Variants in SCIN observed in about 807,000 individuals in gnomAD.
The protein encoded by SCIN is adseverin.
SCIN carries 91 observed loss-of-function variants against 91.8 expected under a neutral mutation model. That is an observed-to-expected ratio of 0.99 (90% CI 0.84 to 1.18). SCIN has a LOEUF of 1.18. SCIN is among the 50% of genes most tolerant of loss of function. The pLI is 0.00. For synonymous variants in SCIN, 367 were observed against 312.6 expected, an observed-to-expected ratio of 1.17 and a Z score of -1.84; for missense variants, 1,087 against 863.9, an observed-to-expected ratio of 1.26 and a Z score of -3.24.
intron 9 of SCIN, among the ~76,000 whole-genome samples, chr7:12,634,897 T>C (rs77085600): frequency 0.041 from 6,182 of 152,194 alleles, 140 homozygotes; most frequent in Middle Eastern, 0.075. Context: ...TAATAATTCC[T>C]TATGGTGGGA....
intron 4 of SCIN, among the ~76,000 whole-genome samples, chr7:12,612,227 T>C (rs1284203249): frequency 6.6e-6 from 1 of 152,322 alleles, no homozygotes; most frequent in African/African-American, 2.4e-5. Flanking sequence ...TCATGTAGCA[T>C]TGTGCCTGAC....
intron 3 of SCIN, among the ~76,000 whole-genome samples, chr7:12,594,259 C>T (rs555379332): frequency 6.6e-6 from 1 of 151,812 alleles, no homozygotes; most frequent in Admixed American, 6.6e-5. Context: ...GATCATGATG[C>T]TGTCGAGGAG....
chr7:12,658,381 AG>A lies in SCIN; in HGVS notation c.*5669del, dbSNP rs1784207304. 6.6e-6 allele frequency: 1 copy of A among 152,214 alleles called. No homozygotes were observed. The highest frequency in any genetic ancestry group is 6.5e-5 in the Admixed American group (1 of 15,270). 9.4% of individuals were successfully genotyped at this position (152,214 alleles called of 1,614,324 possible). The stretch of plus-strand genomic sequence containing the variant: ...GTCAAAGGAAGAGGTGAATGTGGGC[AG>A]GGTTTCACTGGAGTATTGACACACC... On this transcript the variant is annotated 3_prime_UTR_variant, in exon 16 of 16. Transcript: ENST00000297029.
At chr7:12,650,876 A>G (rs1020921092) in intron 14 of SCIN, among the ~76,000 whole-genome samples, 17 of 151,720 alleles carry the variant, frequency 1.1e-4, no homozygotes, top group African/African-American at 3.6e-4. Flanking sequence ...GGAGTCTGGG[A>G]TCACCCACAG....
chr7:12,610,878 G>A (rs1254147142), intron 4 of SCIN, among the ~76,000 whole-genome samples: 1 of 152,160 alleles, frequency 6.6e-6, no homozygotes, highest in African/African-American at 2.4e-5. Flanking sequence ...CCAAGTGAAA[G>A]TGCTTCACAC....
intron 4 of SCIN, among the ~76,000 whole-genome samples, chr7:12,621,044 C>T (rs1783397229): frequency 6.6e-6 from 1 of 152,110 alleles, no homozygotes; most frequent in Non-Finnish European, 1.5e-5. Context: ...AAATGTTTCA[C>T]ATTCAGGCAT....
At chr7:12,580,941 C>T in intron 2 of SCIN, 119 bp from the exon 3 acceptor site, 1 of 1,002,876 alleles carries the variant, frequency 1.0e-6, no homozygotes, top group Non-Finnish European at 1.4e-6. Context: ...TTAACTTGGC[C>T]TGACAGGTAC....
In SCIN at chr7:12,625,043, G is replaced by A. The variant is rs575451014; in HGVS notation, c.793G>A (p.Val265Met). 1 of 1,575,650 alleles carries A rather than the reference G, an allele frequency of 6.3e-7. No homozygotes were observed. The highest frequency in any genetic ancestry group is 1.2e-5 in the South Asian group (1 of 85,890). Residue 265 changes from valine (V) to methionine (M), a missense_variant, in exon 6 of 16, where the codon GTG becomes ATG. Coordinates refer to ENST00000297029, the MANE Select transcript of SCIN (RefSeq NM_001112706.3). ...SDASGSMRVT[V>M]VAEENPFSMA... ...TGCAAGTGGCTCCATGAGAGTGACTGTGGTGGCAGAAGAAAACCCCTTCTC... is the reference window on the plus strand; with the variant it reads ...TGCAAGTGGCTCCATGAGAGTGACTATGGTGGCAGAAGAAAACCCCTTCTC...
At position 12,570,972 on chromosome 7, in the gene SCIN, G is replaced by A. The variant is rs375262420; in HGVS notation, c.186G>A (p.Leu62=). 3.2e-6 allele frequency: 5 copies of A among 1,550,632 alleles called. No homozygotes were observed. Among genetic ancestry groups the A allele is most frequent in the South Asian group, 2.4e-5 (2 of 84,006 alleles). The change falls in exon 1 of 16, where the codon CTG becomes CTA. Residue 62 remains leucine, a synonymous_variant. Transcript: ENST00000297029. ...AKTSRGFTYH[L]HFWLGKECSQ... ...CGAGCCGAGGCTTCACCTACCACCTGCACTTCTGGCTCGGTAAGGGACGGC... is the reference window on the plus strand; with the variant it reads ...CGAGCCGAGGCTTCACCTACCACCTACACTTCTGGCTCGGTAAGGGACGGC...
rs977084386 is a variant in SCIN at position 12,655,182 on chromosome 7, A to T, written c.*2467A>T. ...AATACAGTGTAAACGCTGTGTAAAC[A>T]GTTGTTATACTATATTGGTTTTTTA... On this transcript the variant is annotated 3_prime_UTR_variant, in exon 16 of 16. Coordinates refer to ENST00000297029, the MANE Select transcript of SCIN (RefSeq NM_001112706.3). 4 of 152,168 alleles carry T rather than the reference A, an allele frequency of 2.6e-5. No individual in the cohort carries two copies. Among genetic ancestry groups the T allele is most frequent in the Admixed American group, 2.6e-4 (4 of 15,278 alleles). The allele number at this position is 152,168 out of a possible 1,614,324, so 9.4% of individuals were successfully genotyped here. A position where few individuals can be genotyped will look rare whatever the true frequency, so the allele number is the denominator to read the frequency against.
At chr7:12,643,996 G>A in intron 11 of SCIN, 142 bp from the exon 12 acceptor site, 1 of 699,474 alleles carries the variant, frequency 1.4e-6, no homozygotes, top group Non-Finnish European at 2.4e-6. Context: ...CCATAGTGGT[G>A]TCCCAGAGCG....
At chr7:12,580,292 A>G (rs937268197) in intron 2 of SCIN, among the ~76,000 whole-genome samples, 1 of 149,992 alleles carries the variant, frequency 6.7e-6, no homozygotes, top group Non-Finnish European at 1.5e-5. Flanking sequence ...TTTAATTAGA[A>G]AAAATGAAAA....
intron 3 of SCIN, among the ~76,000 whole-genome samples, chr7:12,594,514 G>A (rs986407212): frequency 1.3e-5 from 2 of 152,144 alleles, no homozygotes; most frequent in South Asian, 2.1e-4. Context: ...TGCCATTTTC[G>A]GGCCATTGGG....
intron 3 of SCIN, among the ~76,000 whole-genome samples, chr7:12,602,658 G>A (rs979557657): frequency 9.9e-5 from 15 of 152,106 alleles, no homozygotes; most frequent in African/African-American, 2.9e-4. Flanking sequence ...AGAATTTAGC[G>A]ATATCTCTCC....
chr7:12,596,801 T>G (rs976556236), intron 3 of SCIN, among the ~76,000 whole-genome samples: 13 of 152,100 alleles, frequency 8.5e-5, no homozygotes, highest in African/African-American at 3.1e-4. Flanking sequence ...TCCTGATGAG[T>G]GGCATCACTA....
intron 4 of SCIN, among the ~76,000 whole-genome samples, chr7:12,608,473 TTTTA>T (rs981390977): frequency 1.1e-4 from 17 of 152,050 alleles, no homozygotes; most frequent in Middle Eastern, 3.4e-3. Context: ...TAAATTGAGG[TTTTA>T]TTTATTTATT....
chr7:12,652,306 A>G (rs1784095122), intron 15 of SCIN, among the ~76,000 whole-genome samples: 1 of 152,086 alleles, frequency 6.6e-6, no homozygotes, highest in Non-Finnish European at 1.5e-5. Context: ...ACAATTCCAT[A>G]AAACTTGGAA....
chr7:12,604,458 A>T, intron 3 of SCIN, 56 bp from the exon 4 acceptor site: 1 of 1,470,080 alleles, frequency 6.8e-7, no homozygotes, highest in Non-Finnish European at 9.3e-7. Context: ...TATTACACTG[A>T]GGCTGAATGT....
At chr7:12,643,327 C>G (rs1328330645) in intron 11 of SCIN, among the ~76,000 whole-genome samples, 39 of 152,176 alleles carry the variant, frequency 2.6e-4, no homozygotes, top group Non-Finnish European at 8.8e-5. Context: ...AGTCTGGGCA[C>G]AGGTCTCTTG....
Sources: gnomAD v4.1 joint callset for allele counts (sites outside exome capture counted in the v4.1 genomes callset) on GRCh38, gnomAD v4.1.1 for gene constraint, MANE v1.5 for transcripts, NCBI Gene and HGNC (gene_info 2026-07-23, HGNC 2026-07-21) for gene names.